TIAM1: variants seen among roughly 807,000 people sequenced by gnomAD.
TIAM1 encodes the protein TIAM Rac1 associated GEF 1, also known as rho guanine nucleotide exchange factor TIAM1.
TIAM1 carries 65 observed loss-of-function variants against 163.5 expected under a neutral mutation model. That is an observed-to-expected ratio of 0.40 (90% CI 0.33 to 0.49). The LOEUF (loss-of-function observed/expected upper bound fraction) is 0.49. Among genes scored for constraint, TIAM1 ranks in the 20% least tolerant of loss-of-function variants. The pLI is 0.77. For missense variants in TIAM1, 1,789 were observed against 2,044.7 expected (o/e 0.87, Z 2.41); for synonymous variants, 833 against 810.1 (o/e 1.03, Z -0.48).
In TIAM1 at chr21:31,158,801, A is replaced by C. The variant is rs560280494; in HGVS notation, c.2992-4375T>G. 9.9e-5 allele frequency among the ~76,000 whole-genome samples: 15 copies of C among 152,242 alleles called. 1 individual carries two copies. In the South Asian group the frequency reaches 2.9e-3, roughly 29 times the overall value. Reference sequence around the variant, plus strand: ...ATCCCCCTCCCTCTTTACTGTGGCCAAACTTCTTTACATCAAAATCCATCA... The same window carrying C: ...ATCCCCCTCCCTCTTTACTGTGGCCCAACTTCTTTACATCAAAATCCATCA... On this transcript the variant is annotated intron_variant, in intron 16 of 27. Transcript: ENST00000541036.
At chr21:31,303,237 AAGAGAAGC>A (rs1351410333) in intron 2 of TIAM1, among the ~76,000 whole-genome samples, 8 of 152,344 alleles carry the variant, frequency 5.3e-5, no homozygotes, top group African/African-American at 1.9e-4. Flanking sequence ...AACTCTTCCT[AAGAGAAGC>A]CAAAGTTTTA....
At chr21:31,552,224 A>AT (rs1424203696) in intron 1 of TIAM1, among the ~76,000 whole-genome samples, 1 of 151,810 alleles carries the variant, frequency 6.6e-6, no homozygotes, top group East Asian at 1.9e-4. Context: ...CACCCAGCTA[A>AT]TTTTTGTATT....
chr21:31,420,308 T>G (rs182825207), intron 2 of TIAM1, among the ~76,000 whole-genome samples: 1 of 152,296 alleles, frequency 6.6e-6, no homozygotes, highest in East Asian at 1.9e-4. Context: ...TCAGCCTCCA[T>G]GTCTGTAAAA....
Position 31,124,614 on chromosome 21 carries a change from G to T in TIAM1, c.4214C>A (p.Thr1405Asn). Residue 1405 changes from threonine to asparagine, a missense_variant, in exon 27 of 28, where the codon ACC (threonine) becomes AAC (asparagine). Thr to Asn is a moderately conservative substitution (Grantham distance 65). This residue lies in a region of TIAM1 where 415 missense variants were observed against 439.2 expected (regional missense o/e 0.94). Transcript: ENST00000541036. Reference protein sequence around the residue: ...RDKHRRQLLKTESLPSSQQYV... With the variant: ...RDKHRRQLLKNESLPSSQQYV... ...TTGCTGGGATGAGGGAAGGCTCTCG[G>T]TTTTGAGGAGCTGTCTTCTGTGCTT... 1 of 1,613,900 alleles carries T rather than the reference G, an allele frequency of 6.2e-7. No homozygotes were observed. Among genetic ancestry groups the T allele is most frequent in the Non-Finnish European group, 8.5e-7 (1 of 1,179,900 alleles).
Position 31,122,475 on chromosome 21 carries a change from A to G in TIAM1, c.4307-1638T>C, listed in dbSNP as rs765327702. On this transcript the variant is annotated intron_variant, in intron 27 of 27. Transcript: ENST00000541036. ...AAGTGTGTTAATGTCTACATCTTTG[A>G]AATATGTCAAAAATAAGATGAGGTG... Among the ~76,000 whole-genome samples, 168 of 152,322 alleles carry G rather than the reference A, an allele frequency of 1.1e-3. 1 individual carries two copies. The highest frequency in any genetic ancestry group is 1.8e-3 in the Non-Finnish European group (120 of 68,032).
chr21:31,403,222 A>G (rs751700430), intron 2 of TIAM1, among the ~76,000 whole-genome samples: 9 of 152,230 alleles, frequency 5.9e-5, no homozygotes, highest in Middle Eastern at 3.4e-3. Context: ...GTCTTGGCTC[A>G]CTGCAACCTC....
In TIAM1 at chr21:31,182,575, G is replaced by C; in HGVS notation, c.2733C>G (p.Leu911=). Residue 911 remains leucine (L), a synonymous_variant, in exon 15 of 28, where the codon CTC becomes CTG. Coordinates refer to ENST00000541036, the MANE Select transcript of TIAM1 (RefSeq NM_001353694.2). ...RAADALNSSM[L]KDFLSQPSLG... ...GCGAGGGCTGTGAGAGGAAATCTTTGAGCATAGAAGAGTTCAGGGCGTCAG... is the reference window on the plus strand; with the variant it reads ...GCGAGGGCTGTGAGAGGAAATCTTTCAGCATAGAAGAGTTCAGGGCGTCAG... 6.2e-7 allele frequency: 1 copy of C among 1,614,128 alleles called. No individual in the cohort carries two copies. The highest frequency in any genetic ancestry group is 8.5e-7 in the Non-Finnish European group (1 of 1,180,002).
At chr21:31,470,274 G>A (rs1023094900) in intron 1 of TIAM1, among the ~76,000 whole-genome samples, 1 of 151,754 alleles carries the variant, frequency 6.6e-6, no homozygotes, top group Non-Finnish European at 1.5e-5. Context: ...CATAGTGCTG[G>A]GATTACAGGT....
chr21:31,285,728 G>A (rs2073781843), intron 2 of TIAM1, among the ~76,000 whole-genome samples: 1 of 152,104 alleles, frequency 6.6e-6, no homozygotes, highest in Non-Finnish European at 1.5e-5. Flanking sequence ...GAGTGTGGTG[G>A]CCCACACCTG....
At chr21:31,468,700 C>T (rs892111203) in intron 1 of TIAM1, among the ~76,000 whole-genome samples, 49 of 152,080 alleles carry the variant, frequency 3.2e-4, no homozygotes, top group African/African-American at 1.2e-3. Flanking sequence ...GGCGTGAACC[C>T]GGGAGGCGGA....
At chr21:31,143,534 AT>A (rs1017801421) in intron 20 of TIAM1, among the ~76,000 whole-genome samples, 24 of 150,876 alleles carry the variant, frequency 1.6e-4, no homozygotes, top group East Asian at 3.9e-4. Context: ...AATGATATAT[AT>A]TTTTTATTAG....
chr21:31,481,588 G>A (rs569264061), intron 1 of TIAM1, among the ~76,000 whole-genome samples: 45 of 152,196 alleles, frequency 3.0e-4, no homozygotes, highest in South Asian at 2.5e-3. Context: ...CCTCTCCCCA[G>A]GCTCAATAAT....
intron 2 of TIAM1, among the ~76,000 whole-genome samples, chr21:31,282,478 G>C (rs181576967): frequency 7.9e-5 from 12 of 152,328 alleles, no homozygotes; most frequent in African/African-American, 2.9e-4. Context: ...ATGACTGAGT[G>C]GGGGTGACCT....
chr21:31,350,291 G>A (rs2076213253), intron 2 of TIAM1, among the ~76,000 whole-genome samples: 1 of 152,164 alleles, frequency 6.6e-6, no homozygotes, highest in East Asian at 1.9e-4. Context: ...GTATTCATGG[G>A]TGGGAATCAT....
intron 4 of TIAM1, among the ~76,000 whole-genome samples, chr21:31,265,304 G>A (rs576715753): frequency 2.0e-4 from 29 of 142,030 alleles, no homozygotes; most frequent in East Asian, 6.7e-4. Flanking sequence ...ACTAGACCCC[G>A]AAGCAGGCAA....
At chr21:31,358,041 C>T (rs1359448681) in intron 2 of TIAM1, among the ~76,000 whole-genome samples, 3 of 152,146 alleles carry the variant, frequency 2.0e-5, no homozygotes, top group African/African-American at 7.2e-5. Flanking sequence ...TCCACTGTCC[C>T]GATCTTAACC....
chr21:31,345,507 T>G (rs2147106706), upstream of TIAM1, among the ~76,000 whole-genome samples: 1 of 151,924 alleles, frequency 6.6e-6, no homozygotes, highest in Admixed American at 6.6e-5. Flanking sequence ...TATATTCATA[T>G]GTATATGAAC....
intron 26 of TIAM1, among the ~76,000 whole-genome samples, chr21:31,126,183 T>C (rs558554546): frequency 1.3e-5 from 2 of 152,326 alleles, no homozygotes; most frequent in South Asian, 4.1e-4. Flanking sequence ...ATAATATTGA[T>C]TCTATTGTCT....
intron 6 of TIAM1, among the ~76,000 whole-genome samples, chr21:31,244,974 G>A (rs888821585): frequency 3.3e-5 from 5 of 152,070 alleles, no homozygotes; most frequent in African/African-American, 1.2e-4. Flanking sequence ...TTTAAAAAAT[G>A]TTGAAATTCA....
Sources: gnomAD v4.1 joint callset for allele counts (sites outside exome capture counted in the v4.1 genomes callset) on GRCh38, gnomAD v4.1.1 for gene constraint, gnomAD v4.1.1 regional missense constraint, MANE v1.5 for transcripts, NCBI Gene and HGNC (gene_info 2026-07-23, HGNC 2026-07-21) for gene names.